FYTTD1: variants seen among roughly 807,000 people sequenced by gnomAD.
FYTTD1 encodes the protein forty-two-three domain containing 1, also known as UAP56-interacting factor.
A neutral mutation model predicts 40.9 loss-of-function variants in FYTTD1; 22 were observed. The observed-to-expected ratio is 0.54, with a 90% CI of 0.38 to 0.77. The LOEUF is 0.77. Among genes scored for constraint, FYTTD1 ranks in the 30% least tolerant of loss-of-function variants. The pLI is 0.00. For synonymous variants in FYTTD1, 140 were observed against 137.9 expected (o/e 1.01, Z -0.10); for missense variants, 351 against 392.2 (o/e 0.90, Z 0.89).
intron 8 of FYTTD1, among the ~76,000 whole-genome samples, chr3:197,778,673 C>T (rs969884567): frequency 2.0e-5 from 3 of 152,182 alleles, no homozygotes; most frequent in Non-Finnish European, 4.4e-5. Flanking sequence ...TGAATTCTTT[C>T]ACTTAGCATA....
chr3:197,755,751 G>A, intron 1 of FYTTD1: 2 of 1,526,874 alleles, frequency 1.3e-6, no homozygotes, highest in East Asian at 2.5e-5. Context: ...GCCTCCCAAA[G>A]TGCTGGGATT....
At chr3:197,766,486 C>T (rs1729554571) in intron 2 of FYTTD1, among the ~76,000 whole-genome samples, 1 of 103,216 alleles carries the variant, frequency 9.7e-6, no homozygotes, top group Admixed American at 1.2e-4. Flanking sequence ...GCTCTGTCAC[C>T]CCAGCCTGGA....
In FYTTD1 at chr3:197,756,625, A is replaced by G. The variant is rs183285836; in HGVS notation, c.235+68A>G. ...GTGTTCATAGTGTACTGTCTTTAGC[A>G]TATGCTTAACGTGGAGGAATGCGTC... On this transcript the variant is annotated intron_variant, in intron 2 of 8. Coordinates refer to ENST00000241502, the MANE Select transcript of FYTTD1 (RefSeq NM_032288.7). 688 of 1,389,850 alleles carry G rather than the reference A, an allele frequency of 5.0e-4. 2 individuals carry two copies. In the African/African-American group the frequency reaches 8.2e-3, roughly 17 times the overall value. The allele number at this position is 1,389,850 out of a possible 1,614,324, so 86.1% of individuals were successfully genotyped here.
rs376641318 is a variant in FYTTD1, at chr3:197,775,228, A to G, written c.656+1018A>G. Among the ~76,000 whole-genome samples, 7 of 152,350 alleles carry G rather than the reference A, an allele frequency of 4.6e-5. No individual in the cohort carries two copies. In the East Asian group the frequency reaches 9.6e-4, roughly 21 times the overall value. On this transcript the variant is annotated intron_variant, in intron 6 of 8. Transcript: ENST00000241502. Reference sequence around the variant, plus strand: ...TTCACAGTCTTTTTTTCTTAGCCCTATAAAAAATCTTTTGAAAACCTATTT... The same window carrying G: ...TTCACAGTCTTTTTTTCTTAGCCCTGTAAAAAATCTTTTGAAAACCTATTT...
Position 197,750,604 on chromosome 3 carries a change from C to A in FYTTD1, c.103+530C>A, listed in dbSNP as rs539467220. On this transcript the variant is annotated intron_variant, in intron 1 of 8. Coordinates refer to ENST00000241502, the MANE Select transcript of FYTTD1 (RefSeq NM_032288.7). ...CCGGGCGTTCCAGGCCGGCGCCGGC[C>A]ATGGCTGCCGGGCGCGACTCTCGGG... 3.0e-6 allele frequency: 3 copies of A among 985,428 alleles called. No homozygotes were observed. In the East Asian group the frequency reaches 3.4e-4, roughly 112 times the overall value. 61.0% of individuals were successfully genotyped at this position (985,428 alleles called of 1,614,324 possible).
chr3:197,752,654 ATG>A (rs1270969244), intron 1 of FYTTD1, among the ~76,000 whole-genome samples: 8 of 151,920 alleles, frequency 5.3e-5, no homozygotes, highest in Non-Finnish European at 2.9e-5. Context: ...CACTATATAT[ATG>A]TGTATGTATA....
rs112606834 is a variant in FYTTD1, at chr3:197,772,139, G to A, written c.498-1264G>A. Among the ~76,000 whole-genome samples, 705 of 152,220 alleles carry A rather than the reference G, an allele frequency of 4.6e-3. 6 individuals carry two copies. The highest frequency in any genetic ancestry group is 0.016 in the African/African-American group (677 of 41,546). ...AAAAAATGGAATGGCTGGAATTGCA[G>A]TTTTAACCATCATCTTTTGGGAATC... On this transcript the variant is annotated intron_variant, in intron 4 of 8. Transcript: ENST00000241502.
At chr3:197,767,360 G>A (rs1010886070) in intron 2 of FYTTD1, among the ~76,000 whole-genome samples, 27 of 150,572 alleles carry the variant, frequency 1.8e-4, no homozygotes, top group South Asian at 2.1e-4. Flanking sequence ...GGATGGTCTC[G>A]ATCTCCTGAC....
chr3:197,767,646 G>T (rs945071399), intron 2 of FYTTD1, among the ~76,000 whole-genome samples: 2 of 152,066 alleles, frequency 1.3e-5, no homozygotes, highest in African/African-American at 4.8e-5. Flanking sequence ...TAGAGGCGAG[G>T]CCTCACTATG....
chr3:197,757,593 A>AG (rs998141880), intron 2 of FYTTD1, among the ~76,000 whole-genome samples: 12 of 152,202 alleles, frequency 7.9e-5, no homozygotes, highest in African/African-American at 2.9e-4. Flanking sequence ...TGGGCAACAC[A>AG]GGGAGACCCT....
chr3:197,775,874 G>A (rs1471624852), intron 6 of FYTTD1, among the ~76,000 whole-genome samples: 1 of 152,186 alleles, frequency 6.6e-6, no homozygotes, highest in Non-Finnish European at 1.5e-5. Flanking sequence ...TGAACTTTGA[G>A]AATCAACCTG....
intron 2 of FYTTD1, among the ~76,000 whole-genome samples, chr3:197,758,100 T>C (rs1729260976): frequency 6.6e-6 from 1 of 152,152 alleles, no homozygotes; most frequent in African/African-American, 2.4e-5. Flanking sequence ...ACAGGGTTTC[T>C]CCACGTTGGT....
chr3:197,753,790 C>G (rs1362475820), intron 1 of FYTTD1, among the ~76,000 whole-genome samples: 1 of 152,138 alleles, frequency 6.6e-6, no homozygotes, highest in African/African-American at 2.4e-5. Flanking sequence ...GAGTCTTGCT[C>G]TGTCGCCCAG....
intron 2 of FYTTD1, 64 bp downstream of exon 2, chr3:197,756,621 T>A: frequency 7.2e-7 from 1 of 1,391,844 alleles, no homozygotes; most frequent in South Asian, 1.2e-5. Context: ...GTACTGTCTT[T>A]AGCATATGCT....
intron 8 of FYTTD1, among the ~76,000 whole-genome samples, chr3:197,780,677 G>A (rs1417554789): frequency 2.6e-5 from 4 of 151,790 alleles, no homozygotes; most frequent in Non-Finnish European, 5.9e-5. Flanking sequence ...TGAGTAGCTG[G>A]GATTACAGGC....
intron 7 of FYTTD1, 121 bp from the exon 8 acceptor site, chr3:197,778,217 G>T: frequency 1.6e-6 from 1 of 633,752 alleles, no homozygotes; most frequent in Non-Finnish European, 2.5e-6. Context: ...TTTTTTTTGA[G>T]AACACAAATA....
chr3:197,782,639 T>C lies in FYTTD1; in HGVS notation c.*730T>C, dbSNP rs1276085583. ...GTTTTAAAAAATGACAGTTTGTGTT[T>C]AATAAATGAAGGCATGAGAGGAAGT... On this transcript the variant is annotated 3_prime_UTR_variant, in exon 9 of 9. Transcript: ENST00000241502. 1 of 152,208 alleles carries C rather than the reference T, an allele frequency of 6.6e-6. No individual in the cohort carries two copies. The highest frequency in any genetic ancestry group is 2.4e-5 in the African/African-American group (1 of 41,456). The allele number at this position is 152,208 out of a possible 1,614,324, so 9.4% of individuals were successfully genotyped here.
intron 3 of FYTTD1, 47 bp from the exon 4 acceptor site, chr3:197,770,085 T>C (rs1325668713): frequency 9.5e-7 from 1 of 1,053,902 alleles, no homozygotes; most frequent in East Asian, 2.5e-5. Flanking sequence ...TAGTAGAGTA[T>C]ATAGAAAAAT....
intron 1 of FYTTD1, chr3:197,750,919 C>T: frequency 1.1e-6 from 1 of 873,970 alleles, no homozygotes; most frequent in African/African-American, 1.8e-5. Context: ...TAAAATCCAG[C>T]CCTGACACTA....
Sources: allele counts gnomAD v4.1 joint callset (sites outside exome capture counted in the v4.1 genomes callset), GRCh38; gene constraint gnomAD v4.1.1; transcripts MANE v1.5; gene names NCBI Gene and HGNC (gene_info 2026-07-23, HGNC 2026-07-21).